ZC3H12B: variants seen among roughly 807,000 people sequenced by gnomAD.
ZC3H12B encodes probable ribonuclease ZC3H12B.
ZC3H12B carries 7 observed loss-of-function variants against 43.9 expected under a neutral mutation model. The observed-to-expected ratio is 0.16, with a 90% CI of 0.09 to 0.30. The LOEUF is 0.30. Among genes scored for constraint, ZC3H12B ranks in the 10% least tolerant of loss-of-function variants. The probability of loss-of-function intolerance (pLI) is 1.00; values close to 1 mark genes in which losing one functional copy is unlikely to be tolerated. For missense variants in ZC3H12B, 475 were observed against 670.2 expected (o/e 0.71, Z 3.22); for synonymous variants, 222 against 241.7 (o/e 0.92, Z 0.76).
chrX:65,464,019 G>T (rs1325870660), intron 3 of ZC3H12B, among the ~76,000 whole-genome samples: 1 of 111,519 alleles, frequency 9.0e-6, no homozygotes, highest in African/African-American at 3.3e-5. Context: ...TTTCCCATAA[G>T]TTGTTTTAGT....
chrX:65,335,535 G>T, the ZC3H12B span, among the ~76,000 whole-genome samples: 2 of 111,536 alleles, frequency 1.8e-5, no homozygotes, highest in Non-Finnish European at 3.8e-5. Context: ...ACTCCTCAAA[G>T]GTAGCTCAGA....
At chrX:65,141,211 G>A in the ZC3H12B span, among the ~76,000 whole-genome samples, 1 of 109,922 alleles carries the variant, frequency 9.1e-6, no homozygotes, top group Non-Finnish European at 1.9e-5. Context: ...TCTTAGAACC[G>A]TTTTTGCTGA....
At chrX:65,251,423 T>G in the ZC3H12B span, among the ~76,000 whole-genome samples, 1 of 111,766 alleles carries the variant, frequency 8.9e-6, no homozygotes, top group African/African-American at 3.3e-5. Flanking sequence ...CAATGCGGGC[T>G]CTTTCTTGGT....
chrX:65,382,359 T>C (rs1429399111), intron 2 of ZC3H12B, among the ~76,000 whole-genome samples: 71 of 110,595 alleles, frequency 6.4e-4, no homozygotes, highest in African/African-American at 2.0e-4. Flanking sequence ...AACCACATGA[T>C]TATCTCAATA....
intron 1 of ZC3H12B, 49 bp from the exon 4 acceptor site, chrX:65,368,780 G>A (rs958877284): frequency 8.9e-6 from 1 of 112,405 alleles, no homozygotes; most frequent in Non-Finnish European, 1.9e-5. Context: ...GATTTATCAA[G>A]TTCTCATCAT....
At chrX:65,237,113 A>G in the ZC3H12B span, among the ~76,000 whole-genome samples, 1 of 112,099 alleles carries the variant, frequency 8.9e-6, no homozygotes, top group African/African-American at 3.2e-5. Context: ...TGGGAATAGC[A>G]TTGGATGTAT....
chrX:65,348,633 C>T, the ZC3H12B span, among the ~76,000 whole-genome samples: 4 of 105,550 alleles, frequency 3.8e-5, no homozygotes, highest in African/African-American at 1.4e-4. Flanking sequence ...CATGCAAAGA[C>T]ACACATAGGC....
At chrX:65,382,687 T>G (rs747287050) in intron 2 of ZC3H12B, among the ~76,000 whole-genome samples, 2 of 111,600 alleles carry the variant, frequency 1.8e-5, no homozygotes, top group East Asian at 5.6e-4. Context: ...ATGACATGAT[T>G]GTATATCTAG....
At chrX:65,407,503 G>T (rs2066845934) in intron 3 of ZC3H12B, among the ~76,000 whole-genome samples, 2 of 113,406 alleles carry the variant, frequency 1.8e-5, no homozygotes, top group South Asian at 7.1e-4. Flanking sequence ...GCGAGCACCC[G>T]GGCCGAGGGC....
the ZC3H12B span, among the ~76,000 whole-genome samples, chrX:65,153,904 A>C: frequency 9.0e-6 from 1 of 111,258 alleles, no homozygotes; most frequent in Admixed American, 9.6e-5. Context: ...GCAGCCATAA[A>C]AAATGATGAG....
chrX:65,093,309 G>A, the ZC3H12B span, among the ~76,000 whole-genome samples: 1 of 112,192 alleles, frequency 8.9e-6, no homozygotes, highest in African/African-American at 3.2e-5. Context: ...GAGGAGAAAT[G>A]TGAGGTTGGA....
the ZC3H12B span, among the ~76,000 whole-genome samples, chrX:65,059,923 C>T: frequency 8.9e-6 from 1 of 111,972 alleles, no homozygotes; most frequent in Admixed American, 9.5e-5. Context: ...GTTTTCATTA[C>T]AGTGATCTTT....
At chrX:65,486,891 A>G (rs2068130060), upstream of ZC3H12B, among the ~76,000 whole-genome samples, 1 of 112,647 alleles carries the variant, frequency 8.9e-6, no homozygotes, top group Non-Finnish European at 1.9e-5. Context: ...GAAAATATAC[A>G]TTTAATCTTA....
chrX:65,148,048 C>T, the ZC3H12B span, among the ~76,000 whole-genome samples: 3 of 110,188 alleles, frequency 2.7e-5, no homozygotes, highest in African/African-American at 9.9e-5. Context: ...ATGGGATGAG[C>T]CTGGACCCTA....
At chrX:65,228,639 T>C in the ZC3H12B span, among the ~76,000 whole-genome samples, 36 of 111,963 alleles carry the variant, frequency 3.2e-4, no homozygotes, top group African/African-American at 9.4e-4. Context: ...AAAACCCGAT[T>C]GTCTCAGCCC....
chrX:65,035,549 G>C, the ZC3H12B span, among the ~76,000 whole-genome samples: 7 of 111,124 alleles, frequency 6.3e-5, no homozygotes, highest in African/African-American at 2.3e-4. Context: ...CACGCAGCCT[G>C]ATTCCTGATT....
At chrX:65,458,742 C>T (rs2067677749) in intron 3 of ZC3H12B, among the ~76,000 whole-genome samples, 1 of 111,487 alleles carries the variant, frequency 9.0e-6, no homozygotes, top group Non-Finnish European at 1.9e-5. Context: ...CACTAAATGC[C>T]CACAAGAGAA....
intron 2 of ZC3H12B, among the ~76,000 whole-genome samples, chrX:65,393,123 G>T (rs1184090721): frequency 1.8e-5 from 2 of 110,805 alleles, no homozygotes; most frequent in Non-Finnish European, 1.9e-5. Context: ...AGGCCACAGG[G>T]TCCTCTGCCT....
At chrX:65,451,493 T>C (rs1195901128) in intron 3 of ZC3H12B, among the ~76,000 whole-genome samples, 1 of 111,412 alleles carries the variant, frequency 9.0e-6, no homozygotes, top group Admixed American at 9.6e-5. Flanking sequence ...TTCCTTTTTA[T>C]TTTTTCTTTA....
Sources: gnomAD v4.1 joint callset for allele counts (sites outside exome capture counted in the v4.1 genomes callset) on GRCh38, gnomAD v4.1.1 for gene constraint, MANE v1.5 for transcripts, NCBI Gene and HGNC (gene_info 2026-07-23, HGNC 2026-07-21) for gene names.